EBF2: variants seen among roughly 807,000 people sequenced by gnomAD.
EBF2 encodes transcription factor COE2.
Under a neutral mutation model 72.8 loss-of-function variants are expected in EBF2, and 21 were observed. The ratio of observed to expected loss-of-function variants is 0.29; its 90% CI spans 0.20 to 0.42. The LOEUF (loss-of-function observed/expected upper bound fraction) is 0.42, where lower values mean the gene tolerates loss of function less well. Among genes scored for constraint, EBF2 ranks in the 10% least tolerant of loss-of-function variants. EBF2 has a pLI of 1.00. For synonymous variants in EBF2, 299 were observed against 274.2 expected (o/e 1.09, Z -0.89); for missense variants, 637 against 731.2 (o/e 0.87, Z 1.49).
chr8:25,861,551 G>A (rs902590561), intron 11 of EBF2, among the ~76,000 whole-genome samples, 177 bp from the exon 12 acceptor site: 1 of 152,156 alleles, frequency 6.6e-6, no homozygotes, highest in Non-Finnish European at 1.5e-5. Flanking sequence ...ACATCTCTCT[G>A]TAAATACGTA....
chr8:25,934,487 G>A (rs139953842), intron 6 of EBF2, among the ~76,000 whole-genome samples: 24 of 152,222 alleles, frequency 1.6e-4, no homozygotes, highest in African/African-American at 5.3e-4. Context: ...CTCTCCACCA[G>A]TCATTTGGAA....
At chr8:25,857,435 G>C (rs1802115746) in intron 14 of EBF2, among the ~76,000 whole-genome samples, 1 of 152,094 alleles carries the variant, frequency 6.6e-6, no homozygotes. Context: ...TTGGCACAAG[G>C]GAACCACACT....
At position 26,044,798 on chromosome 8, in the gene EBF2, G is replaced by C. The variant is rs939749726; in HGVS notation, c.62C>G (p.Ala21Gly). ...GPTLKEKSLG[A>G]EMDSVRSWVR... ...CCAGGACCTGACCGAATCCATCTCC[G>C]CGCCCAGCGATTTCTCTTTCAGAGT... The change falls in exon 1 of 16, where the codon GCG (alanine) becomes GGG (glycine). Residue 21 changes from alanine (A) to glycine (G), a missense_variant. Ala to Gly is a moderately conservative substitution (Grantham distance 60). Transcript: ENST00000520164. The surrounding 1 kb of genome is among the most constrained non-coding windows in gnomAD (Gnocchi z 4.1). 1.9e-6 allele frequency: 3 copies of C among 1,613,980 alleles called. No homozygotes were observed. In the African/African-American group the frequency reaches 4.0e-5, roughly 22 times the overall value.
intron 6 of EBF2, among the ~76,000 whole-genome samples, chr8:25,933,572 T>C (rs1803518647): frequency 6.6e-6 from 1 of 152,154 alleles, no homozygotes; most frequent in Admixed American, 6.5e-5. Context: ...CGCAATTCTA[T>C]TTTAAGGATT....
At chr8:26,015,318 CA>C (rs1203337617) in intron 6 of EBF2, among the ~76,000 whole-genome samples, 1 of 152,194 alleles carries the variant, frequency 6.6e-6, no homozygotes, top group Non-Finnish European at 1.5e-5. Flanking sequence ...CATAGACACA[CA>C]AATAAGCCTG....
chr8:26,042,087 C>G lies in EBF2; in HGVS notation c.288+8G>C. 1 of 1,612,978 alleles carries G rather than the reference C, an allele frequency of 6.2e-7. No individual in the cohort carries two copies. The highest frequency in any genetic ancestry group is 8.5e-7 in the Non-Finnish European group (1 of 1,179,172). ...GGCCGCGGGGTTTGGGGGGTACTTTCCGCTTACTTTGTCATTCTCCACAAA... is the reference window on the plus strand; with the variant it reads ...GGCCGCGGGGTTTGGGGGGTACTTTGCGCTTACTTTGTCATTCTCCACAAA... On this transcript the variant is annotated splice_region_variant and intron_variant, in intron 2 of 15. Coordinates refer to ENST00000520164, the MANE Select transcript of EBF2 (RefSeq NM_022659.4).
chr8:25,907,572 G>A (rs777140349), intron 7 of EBF2, among the ~76,000 whole-genome samples: 2 of 151,872 alleles, frequency 1.3e-5, no homozygotes, highest in African/African-American at 4.8e-5. Context: ...TCCTGGCTCC[G>A]GGCTTTACCA....
At chr8:26,024,631 A>G (rs1805269778) in intron 6 of EBF2, among the ~76,000 whole-genome samples, 1 of 152,162 alleles carries the variant, frequency 6.6e-6, no homozygotes, top group African/African-American at 2.4e-5. Flanking sequence ...CTGGCAGTAG[A>G]CTCAATCACC....
chr8:25,973,589 A>G (rs938955012), intron 6 of EBF2, among the ~76,000 whole-genome samples: 1 of 152,194 alleles, frequency 6.6e-6, no homozygotes, highest in African/African-American at 2.4e-5. Context: ...AAGAAAACAA[A>G]CAACTCTCAA....
At chr8:26,028,123 AT>A (rs1805331222) in intron 6 of EBF2, among the ~76,000 whole-genome samples, 1 of 152,220 alleles carries the variant, frequency 6.6e-6, no homozygotes, top group Non-Finnish European at 1.5e-5. Context: ...TAAATTTTAT[AT>A]GTATTTTACC....
At chr8:25,930,498 C>T (rs1803461902) in intron 6 of EBF2, among the ~76,000 whole-genome samples, 1 of 152,104 alleles carries the variant, frequency 6.6e-6, no homozygotes, top group African/African-American at 2.4e-5. Flanking sequence ...TGCAGGGACT[C>T]ATTAAAATCT....
chr8:25,943,670 G>A (rs201531666), intron 6 of EBF2, among the ~76,000 whole-genome samples: 1 of 152,088 alleles, frequency 6.6e-6, no homozygotes. Flanking sequence ...CTTCCCCATG[G>A]GTTAGGTAAA....
chr8:26,030,689 T>C (rs890141458), intron 6 of EBF2, among the ~76,000 whole-genome samples: 2 of 152,180 alleles, frequency 1.3e-5, no homozygotes, highest in African/African-American at 4.8e-5. Flanking sequence ...TATGTTTCCA[T>C]GTGTAGACAT....
At chr8:25,892,724 A>G (rs776405459) in intron 7 of EBF2, among the ~76,000 whole-genome samples, 2 of 152,264 alleles carry the variant, frequency 1.3e-5, no homozygotes, top group African/African-American at 2.4e-5. Flanking sequence ...AAAATTTTAC[A>G]TGAATAAGTG....
At chr8:25,956,384 A>G (rs1803948033) in intron 6 of EBF2, among the ~76,000 whole-genome samples, 1 of 152,026 alleles carries the variant, frequency 6.6e-6, no homozygotes, top group Non-Finnish European at 1.5e-5. Flanking sequence ...CAGCCTGGGC[A>G]ACAAGAGCGA....
chr8:25,906,494 C>T (rs1181539500), intron 7 of EBF2, among the ~76,000 whole-genome samples: 7 of 152,226 alleles, frequency 4.6e-5, no homozygotes, highest in African/African-American at 1.4e-4. Flanking sequence ...GGCCCAGAAG[C>T]GGTGGCTCAC....
chr8:25,996,936 C>G (rs959895794), intron 6 of EBF2, among the ~76,000 whole-genome samples: 3 of 152,110 alleles, frequency 2.0e-5, no homozygotes, highest in African/African-American at 7.2e-5. Flanking sequence ...AAAATGTTGA[C>G]TAAATCCACT....
At chr8:26,043,544 T>G (rs1289678614) in intron 1 of EBF2, among the ~76,000 whole-genome samples, 1 of 152,182 alleles carries the variant, frequency 6.6e-6, no homozygotes, top group Non-Finnish European at 1.5e-5. Context: ...GCCGCCGCGC[T>G]GTGCGGTCTG....
chr8:25,983,803 A>G (rs1368156025), intron 6 of EBF2, among the ~76,000 whole-genome samples: 1 of 152,258 alleles, frequency 6.6e-6, no homozygotes, highest in African/African-American at 2.4e-5. Context: ...AGTGCTGAAG[A>G]CATAACAAAG....
Sources: allele counts gnomAD v4.1 joint callset (sites outside exome capture counted in the v4.1 genomes callset), GRCh38; gene constraint gnomAD v4.1.1; non-coding constraint Gnocchi (gnomAD v3.1); transcripts MANE v1.5; gene names NCBI Gene and HGNC (gene_info 2026-07-23, HGNC 2026-07-21).